The following ADK variants were observed in gnomAD, a reference collection of about 807,000 sequenced individuals.
ADK encodes the protein N6,N6-dimethyladenosine kinase.
In ADK, 24 loss-of-function variants were observed where a neutral mutation model predicts 44.7. That is an observed-to-expected ratio of 0.54 (90% confidence interval 0.39 to 0.76). The LOEUF is 0.76. Ranked by LOEUF, ADK falls within the 30% of genes least tolerant of loss-of-function variation. The pLI is 0.00. For missense variants in ADK, 321 were observed against 425.1 expected (o/e 0.76, Z 2.15); for synonymous variants, 128 against 142.6 (o/e 0.90, Z 0.73).
At chr10:74,568,784 T>C (rs796386883) in intron 7 of ADK, among the ~76,000 whole-genome samples, 1 of 152,206 alleles carries the variant, frequency 6.6e-6, no homozygotes, top group South Asian at 2.1e-4. Context: ...TTTTATCTTT[T>C]TTTTATTATA....
intron 7 of ADK, among the ~76,000 whole-genome samples, chr10:74,534,933 TTTAA>T (rs1369128913): frequency 6.6e-6 from 1 of 152,194 alleles, no homozygotes; most frequent in Non-Finnish European, 1.5e-5. Flanking sequence ...GTGTTCATTA[TTTAA>T]TTATTTAACA....
intron 6 of ADK, among the ~76,000 whole-genome samples, chr10:74,456,559 C>T (rs1469080635): frequency 2.0e-5 from 3 of 147,658 alleles, no homozygotes; most frequent in Admixed American, 6.9e-5. Context: ...CCCAGCTACT[C>T]GGGAGGCTGA....
Position 74,468,644 on chromosome 10 carries a change from TCTC to T in ADK, c.556-56608_556-56606del, listed in dbSNP as rs1459089699. ...TTAATAACCTTTCTGGGCCTACAGT[TCTC>T]CTCTTCTGAAATGGAAAGATGAATA... On this transcript the variant is annotated intron_variant, in intron 6 of 10. Transcript: ENST00000539909. 2.6e-5 allele frequency among the ~76,000 whole-genome samples: 4 copies of T among 152,240 alleles called. No homozygotes were observed. In the East Asian group the frequency reaches 5.8e-4, roughly 22 times the overall value.
chr10:74,288,772 G>C (rs1478203258), intron 3 of ADK, among the ~76,000 whole-genome samples: 1 of 152,130 alleles, frequency 6.6e-6, no homozygotes, highest in African/African-American at 2.4e-5. Context: ...TATATTAGAG[G>C]TATCTCTTTA....
At chr10:74,366,252 TAA>T (rs892216462) in intron 4 of ADK, among the ~76,000 whole-genome samples, 1 of 152,182 alleles carries the variant, frequency 6.6e-6, no homozygotes, top group African/African-American at 2.4e-5. Context: ...TAAAGTATTT[TAA>T]GTCTTTATAC....
chr10:74,485,614 T>G lies in ADK; in HGVS notation c.556-39642T>G, dbSNP rs73272234. 4.8e-3 allele frequency among the ~76,000 whole-genome samples: 727 copies of G among 152,272 alleles called. 5 individuals carry two copies. Among genetic ancestry groups the G allele is most frequent in the African/African-American group, 0.017 (700 of 41,550 alleles). On this transcript the variant is annotated intron_variant, in intron 6 of 10. Coordinates refer to ENST00000539909, the MANE Select transcript of ADK (RefSeq NM_006721.4). Reference sequence around the variant, plus strand: ...TAAAAATTTCAAATGCTGCATAAAATTAGAATTACTGACTCTTACACACTT... The same window carrying G: ...TAAAAATTTCAAATGCTGCATAAAAGTAGAATTACTGACTCTTACACACTT...
intron 6 of ADK, among the ~76,000 whole-genome samples, chr10:74,493,359 G>A (rs1446222625): frequency 6.6e-6 from 1 of 150,490 alleles, no homozygotes; most frequent in African/African-American, 2.5e-5. Flanking sequence ...GTATGTGTGT[G>A]TGTGTGTATA....
Position 74,182,108 on chromosome 10 carries a change from A to ATATG in ADK, c.66-18656_66-18655insTATG, listed in dbSNP as rs1842580934. Among the ~76,000 whole-genome samples the ATATG allele has an allele frequency of 2.0e-4, 30 of 152,340 alleles. No individual in the cohort carries two copies. The South Asian group carries it at 5.8e-3, about 29-fold the overall frequency. On this transcript the variant is annotated intron_variant, in intron 1 of 10. Transcript: ENST00000539909. ...TCCAATAGAATCTGCCAAGCCACTC[A>ATATG]GAACATTCATATGGAGACTAAAATC...
chr10:74,498,907 G>A (rs1485959042), intron 6 of ADK, among the ~76,000 whole-genome samples: 1 of 152,196 alleles, frequency 6.6e-6, no homozygotes, highest in Non-Finnish European at 1.5e-5. Flanking sequence ...GTCCTTTGTA[G>A]GGACATGGAT....
chr10:74,424,647 G>A (rs1844726143), intron 6 of ADK, among the ~76,000 whole-genome samples: 1 of 150,504 alleles, frequency 6.6e-6, no homozygotes, highest in Non-Finnish European at 1.5e-5. Flanking sequence ...TTTCTTTATA[G>A]GATAGCCATA....
At chr10:74,497,122 CT>C (rs1020490131) in intron 6 of ADK, among the ~76,000 whole-genome samples, 2 of 152,264 alleles carry the variant, frequency 1.3e-5, no homozygotes, top group African/African-American at 4.8e-5. Flanking sequence ...CTAGCTCCCC[CT>C]CTCTCTTATC....
intron 6 of ADK, among the ~76,000 whole-genome samples, chr10:74,475,015 C>T (rs911811658): frequency 3.9e-5 from 6 of 152,022 alleles, no homozygotes; most frequent in Admixed American, 3.3e-4. Context: ...ATCCCAGCTA[C>T]TTGGGAGGCT....
intron 3 of ADK, among the ~76,000 whole-genome samples, chr10:74,300,810 A>T (rs1337271269): frequency 6.6e-5 from 10 of 152,252 alleles, no homozygotes; most frequent in Non-Finnish European, 1.5e-5. Context: ...ACAATGTCCC[A>T]TTCTGTCAAA....
chr10:74,650,030 C>G (rs1170351882), intron 9 of ADK, among the ~76,000 whole-genome samples: 1 of 152,158 alleles, frequency 6.6e-6, no homozygotes, highest in East Asian at 1.9e-4. Flanking sequence ...GAAATGTGAA[C>G]TTTCCCCTCA....
At chr10:74,356,263 C>T (rs1415931648) in intron 4 of ADK, among the ~76,000 whole-genome samples, 1 of 151,564 alleles carries the variant, frequency 6.6e-6, no homozygotes, top group Non-Finnish European at 1.5e-5. Context: ...CATGATCCAC[C>T]CGCCTCGGCC....
chr10:74,186,221 C>T (rs559521106), intron 1 of ADK, among the ~76,000 whole-genome samples: 12 of 42,772 alleles, frequency 2.8e-4, no homozygotes, highest in African/African-American at 6.2e-4. Flanking sequence ...CCTTCCTTTC[C>T]CTTCCCCTCC....
rs543482226 is a variant in ADK at position 74,186,195 on chromosome 10, C to T, written c.66-14569C>T. On this transcript the variant is annotated intron_variant, in intron 1 of 10. Transcript: ENST00000539909. ...AGTCAAATCAGCCTTCCCTTTCCTTCCCTTCCCTTCCCTTCCCTTCCTTTC... is the reference window on the plus strand; with the variant it reads ...AGTCAAATCAGCCTTCCCTTTCCTTTCCTTCCCTTCCCTTCCCTTCCTTTC... Among the ~76,000 whole-genome samples, 5 of 128,388 alleles carry T rather than the reference C, an allele frequency of 3.9e-5. No homozygotes were observed. In the South Asian group the frequency reaches 7.3e-4, roughly 19 times the overall value. The allele number at this position is 128,388 out of a possible 152,430, so 84.2% of individuals were successfully genotyped here.
chr10:74,242,934 A>G (rs1329094047), intron 3 of ADK, among the ~76,000 whole-genome samples: 1 of 152,034 alleles, frequency 6.6e-6, no homozygotes, highest in South Asian at 2.1e-4. Flanking sequence ...AGCCATTTCC[A>G]CCGCTCAGTA....
At chr10:74,249,929 C>T (rs1381195312) in intron 3 of ADK, among the ~76,000 whole-genome samples, 3 of 152,170 alleles carry the variant, frequency 2.0e-5, no homozygotes, top group East Asian at 1.9e-4. Context: ...TTCCTGCACT[C>T]ATAGTTTATA....
Sources: gnomAD v4.1 joint callset for allele counts (sites outside exome capture counted in the v4.1 genomes callset) on GRCh38, gnomAD v4.1.1 for gene constraint, MANE v1.5 for transcripts, NCBI Gene and HGNC (gene_info 2026-07-23, HGNC 2026-07-21) for gene names.